Variants in ENO4 observed in about 807,000 individuals in gnomAD.
The protein encoded by ENO4 is 2-phospho-D-glycerate hydro-lyase.
Under a neutral mutation model 63.2 loss-of-function variants are expected in ENO4, and 53 were observed. That is an observed-to-expected ratio of 0.84 (90% CI 0.67 to 1.05). ENO4 has a LOEUF of 1.05. Among genes scored for constraint, ENO4 ranks in the 50% least tolerant of loss-of-function variants. ENO4 has a pLI of 0.00. For missense variants in ENO4, 719 were observed against 772.0 expected, an observed-to-expected ratio of 0.93 and a Z score of 0.81; for synonymous variants, 266 against 283.8, an observed-to-expected ratio of 0.94 and a Z score of 0.63.
At chr10:116,874,025 G>A in intron 9 of ENO4, 51 bp from the exon 10 acceptor site, 3 of 1,476,078 alleles carry the variant, frequency 2.0e-6, no homozygotes, top group Non-Finnish European at 2.7e-6. Context: ...TTTGGGATTT[G>A]ATGAATTCAT....
At chr10:116,907,354 C>T (rs1255053507) in intron 10 of ENO4, among the ~76,000 whole-genome samples, 1 of 152,144 alleles carries the variant, frequency 6.6e-6, no homozygotes, top group African/African-American at 2.4e-5. Context: ...AAGCAAGGGT[C>T]GGCATCTTAA....
At chr10:116,895,420 T>C (rs937646349) in intron 10 of ENO4, among the ~76,000 whole-genome samples, 2 of 152,252 alleles carry the variant, frequency 1.3e-5, no homozygotes, top group Non-Finnish European at 2.9e-5. Flanking sequence ...AAATAATTTC[T>C]TTCCAATTAT....
Position 116,871,213 on chromosome 10 carries a change from T to A in ENO4, c.1136T>A (p.Ile379Asn). The A allele has an allele frequency of 6.4e-7, 1 of 1,550,518 alleles. No individual in the cohort carries two copies. The highest frequency in any genetic ancestry group is 1.2e-5 in the South Asian group (1 of 84,052). Residue 379 changes from isoleucine (I) to asparagine (N), a missense_variant, in exon 9 of 14, where the codon ATC (isoleucine) becomes AAC (asparagine). By Grantham distance (149) the Ile-to-Asn change is moderately radical. This residue lies in a region of ENO4 where 544 missense variants were observed against 583.6 expected (regional missense o/e 0.93). Coordinates refer to ENST00000341276, the MANE Select transcript of ENO4 (RefSeq NM_001242699.2). Reference sequence around the variant, plus strand: ...CAGCCACTGCTTCTAATACAGGAAATCTGTGCCAACCTGGGGCTAGAACTG... The same window carrying A: ...CAGCCACTGCTTCTAATACAGGAAAACTGTGCCAACCTGGGGCTAGAACTG... ...IEQPLLLIQE[I>N]CANLGLELGT...
intron 9 of ENO4, among the ~76,000 whole-genome samples, chr10:116,872,109 A>C (rs1846711653): frequency 6.6e-6 from 1 of 152,176 alleles, no homozygotes; most frequent in Non-Finnish European, 1.5e-5. Flanking sequence ...AGGCAAAAGA[A>C]TCGCTTGAAC....
intron 10 of ENO4, among the ~76,000 whole-genome samples, chr10:116,907,231 C>T (rs981251134): frequency 8.5e-5 from 13 of 152,210 alleles, no homozygotes; most frequent in South Asian, 4.2e-4. Context: ...TCCGTGGCGT[C>T]GTAGCTGTCA....
chr10:116,882,445 C>CG lies in ENO4; in HGVS notation c.*776_*777insG, dbSNP rs397809676. On this transcript the variant is annotated 3_prime_UTR_variant, in exon 14 of 14. Transcript: ENST00000341276. ...TGTGACATATCCATTGCCTGAATTG[C>CG]TCTTTTGTAAGCCAGTGTTGGGATT... The CG allele has an allele frequency of 7.9e-3, 1 of 126 alleles. No individual in the cohort carries two copies. Among genetic ancestry groups the CG allele is most frequent in the Non-Finnish European group, 0.013 (1 of 78 alleles). The allele number at this position is 126 out of a possible 1,614,324, so 0.0% of individuals were successfully genotyped here.
chr10:116,870,497 C>T (rs1846658855), intron 8 of ENO4, among the ~76,000 whole-genome samples: 3 of 152,132 alleles, frequency 2.0e-5, no homozygotes, highest in South Asian at 2.1e-4. Context: ...AAAAAATAGC[C>T]AGGTGTGGTG....
chr10:116,879,753 G>GT, intron 12 of ENO4, 116 bp from the exon 13 acceptor site: 1 of 793,018 alleles, frequency 1.3e-6, no homozygotes, highest in Non-Finnish European at 2.0e-6. Context: ...TAAAAAACTA[G>GT]TAAGAGAAAA....
chr10:116,868,452 G>A, intron 7 of ENO4, 198 bp from the exon 8 acceptor site: 1 of 695,908 alleles, frequency 1.4e-6, no homozygotes, highest in Non-Finnish European at 2.7e-6. Context: ...TCCTGAATTT[G>A]AGAAATAGTT....
At position 116,863,356 on chromosome 10, in the gene ENO4, T is replaced by TCACACACACACACACA. The variant is rs10646641; in HGVS notation, c.990+520_990+535dup. The stretch of plus-strand genomic sequence containing the variant: ...GGACCCAATCCTTGTCTGTGGGGCT[T>TCACACACACACACACA]CACACACACACACACACACACACAC... On this transcript the variant is annotated intron_variant, in intron 7 of 13. Coordinates refer to ENST00000341276, the MANE Select transcript of ENO4 (RefSeq NM_001242699.2). 3.0e-3 allele frequency among the ~76,000 whole-genome samples: 440 copies of TCACACACACACACACA among 147,392 alleles called. 3 individuals carry two copies. The highest frequency in any genetic ancestry group is 4.2e-3 in the Non-Finnish European group (281 of 66,882).
intron 12 of ENO4, 117 bp downstream of exon 12, chr10:116,879,475 T>C: frequency 2.7e-6 from 2 of 741,276 alleles, no homozygotes; most frequent in Non-Finnish European, 4.3e-6. Flanking sequence ...TAGACTTGCT[T>C]CCTCCCAGAT....
intron 1 of ENO4, among the ~76,000 whole-genome samples, chr10:116,855,403 G>T (rs1218039479): frequency 6.6e-6 from 1 of 152,142 alleles, no homozygotes; most frequent in African/African-American, 2.4e-5. Flanking sequence ...AGAGACTCAG[G>T]AGTGGGCTGA....
intron 1 of ENO4, among the ~76,000 whole-genome samples, chr10:116,854,454 G>A (rs531163950): frequency 6.6e-6 from 1 of 151,942 alleles, no homozygotes; most frequent in Non-Finnish European, 1.5e-5. Context: ...CAGCTACTCG[G>A]AAGGCTGAGG....
chr10:116,878,883 A>G (rs1041422426), intron 11 of ENO4, among the ~76,000 whole-genome samples: 1 of 151,452 alleles, frequency 6.6e-6, no homozygotes, highest in African/African-American at 2.4e-5. Context: ...AGCTGGGACT[A>G]CAGGTGCCTA....
At chr10:116,900,461 A>G in intron 10 of ENO4, 3 of 1,289,322 alleles carry the variant, frequency 2.3e-6, no homozygotes, top group African/African-American at 2.9e-5. Flanking sequence ...TTTCTTGGAA[A>G]TGTAATTTCC....
intron 1 of ENO4, among the ~76,000 whole-genome samples, chr10:116,853,852 GT>G (rs1846167752): frequency 6.6e-6 from 1 of 152,196 alleles, no homozygotes; most frequent in Non-Finnish European, 1.5e-5. Flanking sequence ...TAGATGACCT[GT>G]TGTCCAGGTT....
At chr10:116,905,155 T>C (rs988334642) in intron 10 of ENO4, among the ~76,000 whole-genome samples, 7 of 149,712 alleles carry the variant, frequency 4.7e-5, no homozygotes, top group Non-Finnish European at 1.0e-4. Flanking sequence ...TGAGCCGAGA[T>C]TGCGCCACTG....
intron 10 of ENO4, chr10:116,906,619 C>T (rs777835660): frequency 3.2e-5 from 51 of 1,605,444 alleles, no homozygotes; most frequent in Middle Eastern, 1.7e-4. Flanking sequence ...GAATTCAAAC[C>T]GGCTTACTAC....
At chr10:116,874,643 A>T (rs892111362) in intron 10 of ENO4, among the ~76,000 whole-genome samples, 1 of 152,136 alleles carries the variant, frequency 6.6e-6, no homozygotes, top group African/African-American at 2.4e-5. Context: ...ACCTAAATCC[A>T]GTCACTATAT....
Sources: allele counts gnomAD v4.1 joint callset (sites outside exome capture counted in the v4.1 genomes callset), GRCh38; gene constraint gnomAD v4.1.1; regional missense constraint gnomAD v4.1.1; transcripts MANE v1.5; gene names NCBI Gene and HGNC (gene_info 2026-07-23, HGNC 2026-07-21).